Variants in TRPC5 observed in about 807,000 individuals in gnomAD.
The protein encoded by TRPC5 is short transient receptor potential channel 5.
TRPC5 carries 9 observed loss-of-function variants against 56.5 expected under a neutral mutation model. The observed-to-expected ratio is 0.16, with a 90% confidence interval of 0.10 to 0.28. TRPC5 has a LOEUF of 0.28. Ranked by LOEUF, TRPC5 falls within the 10% of genes least tolerant of loss-of-function variation. TRPC5 has a pLI of 1.00. For synonymous variants in TRPC5, 282 were observed against 278.5 expected, an observed-to-expected ratio of 1.01 and a Z score of -0.13; for missense variants, 469 against 748.9, an observed-to-expected ratio of 0.63 and a Z score of 4.36.
chrX:111,835,431 TTCAGACCATG>T (rs1257596717), intron 6 of TRPC5, among the ~76,000 whole-genome samples: 2 of 112,528 alleles, frequency 1.8e-5, no homozygotes, highest in African/African-American at 3.2e-5. Context: ...GTCTTTTGTC[TTCAGACCATG>T]TTATTTTTTT....
chrX:111,898,004 G>A (rs957750616), intron 3 of TRPC5, among the ~76,000 whole-genome samples: 1 of 110,381 alleles, frequency 9.1e-6, no homozygotes, highest in Non-Finnish European at 1.9e-5. Context: ...TAGTATAAAT[G>A]TGTGTGAGAA....
chrX:111,800,767 A>G (rs950761633), intron 7 of TRPC5, among the ~76,000 whole-genome samples: 1 of 110,560 alleles, frequency 9.0e-6, no homozygotes, highest in Non-Finnish European at 1.9e-5. Context: ...AAAAAAAAAT[A>G]CAGTATATAA....
intron 7 of TRPC5, 115 bp from the exon 8 acceptor site, chrX:111,782,253 A>G: frequency 1.8e-6 from 1 of 559,556 alleles, no homozygotes; most frequent in Non-Finnish European, 2.7e-6. Context: ...AGAGCTATAT[A>G]AATTCAAATT....
chrX:111,852,518 T>A, intron 4 of TRPC5, 81 bp from the exon 5 acceptor site: 1 of 1,022,036 alleles, frequency 9.8e-7, no homozygotes, highest in Non-Finnish European at 1.3e-6. Flanking sequence ...TCCAGGTGAA[T>A]AAGGATGAAA....
chrX:111,859,682 A>G (rs1313519034), intron 3 of TRPC5, among the ~76,000 whole-genome samples: 1 of 112,367 alleles, frequency 8.9e-6, no homozygotes, highest in Non-Finnish European at 1.9e-5. Context: ...AATCCTGTAC[A>G]GGGACTATGT....
intron 1 of TRPC5, among the ~76,000 whole-genome samples, chrX:112,037,263 C>A (rs1929769792): frequency 9.0e-6 from 1 of 111,244 alleles, no homozygotes; most frequent in South Asian, 3.8e-4. Flanking sequence ...TTCTCTTAGA[C>A]CCTACTTATC....
At chrX:111,790,866 G>A in intron 7 of TRPC5, among the ~76,000 whole-genome samples, 1 of 108,242 alleles carries the variant, frequency 9.2e-6, no homozygotes, top group East Asian at 2.9e-4. Flanking sequence ...CTAAAAATAT[G>A]AAAACTTAGC....
At chrX:112,007,692 A>G (rs778184579) in intron 1 of TRPC5, among the ~76,000 whole-genome samples, 1 of 111,300 alleles carries the variant, frequency 9.0e-6, no homozygotes, top group East Asian at 2.9e-4. Context: ...GTTCTTTCTA[A>G]TCTGCCCCTT....
intron 1 of TRPC5, among the ~76,000 whole-genome samples, chrX:111,953,766 A>T (rs1927156588): frequency 8.9e-6 from 1 of 112,722 alleles, no homozygotes. Context: ...CATTTACCTC[A>T]GTCTTCCAGG....
intron 1 of TRPC5, among the ~76,000 whole-genome samples, chrX:112,023,235 T>G (rs1182744657): frequency 4.3e-5 from 4 of 93,616 alleles, no homozygotes; most frequent in Non-Finnish European, 8.4e-5. Flanking sequence ...CGCCCAGCAG[T>G]TTTTTTTTTT....
intron 7 of TRPC5, among the ~76,000 whole-genome samples, chrX:111,810,389 G>C (rs996656240): frequency 9.0e-6 from 1 of 110,983 alleles, no homozygotes. Flanking sequence ...TCTAATCTTA[G>C]GTAACAAATT....
At chrX:111,814,034 C>T (rs1355133388) in intron 7 of TRPC5, among the ~76,000 whole-genome samples, 2 of 112,277 alleles carry the variant, frequency 1.8e-5, no homozygotes, top group Non-Finnish European at 3.8e-5. Flanking sequence ...TTCTGGACCT[C>T]ACTAGAAATT....
At chrX:112,000,715 G>T (rs1227019396) in intron 1 of TRPC5, among the ~76,000 whole-genome samples, 1 of 112,174 alleles carries the variant, frequency 8.9e-6, no homozygotes, top group African/African-American at 3.2e-5. Flanking sequence ...CTACAACATG[G>T]TAAGCACCTA....
At chrX:111,829,726 A>G (rs376127461) in intron 7 of TRPC5, among the ~76,000 whole-genome samples, 2 of 112,899 alleles carry the variant, frequency 1.8e-5, no homozygotes, top group East Asian at 2.8e-4. Flanking sequence ...GAAGACAAGA[A>G]CTGAGGTTTG....
In TRPC5 at chrX:111,952,366, G is replaced by A; in HGVS notation, c.55C>T (p.Pro19Ser). The A allele has an allele frequency of 1.7e-6, 2 of 1,211,701 alleles. No individual in the cohort carries two copies. The highest frequency in any genetic ancestry group is 2.2e-6 in the Non-Finnish European group (2 of 895,452). The change falls in exon 2 of 11, where the codon CCC becomes TCC. Residue 19 changes from proline to serine, a missense_variant. This residue lies in a region of TRPC5 where 118 missense variants were observed against 167.1 expected (regional missense o/e 0.71). Coordinates refer to ENST00000262839, the MANE Select transcript of TRPC5 (RefSeq NM_012471.3). The stretch of plus-strand genomic sequence containing the variant: ...GTCTCAGCCCTCACAATTTGCAGGG[G>A]GATGCGGTCTCTGTACGGTGAGTAG... ...VNYSPYRDRI[P>S]LQIVRAETEL...
rs1388324223 is a variant in TRPC5 at position 111,775,527 on chromosome X, A to T, written c.*786T>A. ...TTTTAAAAAATAGCACAAATTCTAA[A>T]TACTAATTTTGATACTATCAAATTT... On this transcript the variant is annotated 3_prime_UTR_variant, in exon 11 of 11. Coordinates refer to ENST00000262839, the MANE Select transcript of TRPC5 (RefSeq NM_012471.3). 1 of 112,155 alleles carries T rather than the reference A, an allele frequency of 8.9e-6. No homozygotes were observed. The highest frequency in any genetic ancestry group is 3.2e-5 in the African/African-American group (1 of 30,879). 9.2% of individuals were successfully genotyped at this position (112,155 alleles called of 1,213,427 possible). A position where few individuals can be genotyped will look rare whatever the true frequency, so the allele number is the denominator to read the frequency against.
At chrX:111,838,724 C>T (rs1459666481) in intron 6 of TRPC5, among the ~76,000 whole-genome samples, 2 of 111,597 alleles carry the variant, frequency 1.8e-5, no homozygotes, top group Non-Finnish European at 3.8e-5. Context: ...AAATCCATAA[C>T]AGGTGGTTAA....
At chrX:111,812,410 G>A (rs1921738367) in intron 7 of TRPC5, among the ~76,000 whole-genome samples, 1 of 111,567 alleles carries the variant, frequency 9.0e-6, no homozygotes. Flanking sequence ...CATTCCTCTG[G>A]TGCTCACGTG....
At chrX:112,064,232 T>G (rs1292162883) in intron 1 of TRPC5, among the ~76,000 whole-genome samples, 2 of 112,221 alleles carry the variant, frequency 1.8e-5, no homozygotes, top group Non-Finnish European at 3.8e-5. Context: ...CCGTGATTAA[T>G]TTGATCCTCA....
Sources: allele counts gnomAD v4.1 joint callset (sites outside exome capture counted in the v4.1 genomes callset), GRCh38; gene constraint gnomAD v4.1.1; regional missense constraint gnomAD v4.1.1; transcripts MANE v1.5; gene names NCBI Gene and HGNC (gene_info 2026-07-23, HGNC 2026-07-21).